Variants in FHOD3 observed in about 807,000 individuals in gnomAD.
FHOD3 encodes the protein FH1/FH2 domain-containing protein 3.
In FHOD3, 90 loss-of-function variants were observed where a neutral mutation model predicts 173.0. The ratio of observed to expected loss-of-function variants is 0.52; its 90% CI spans 0.44 to 0.62. The LOEUF (loss-of-function observed/expected upper bound fraction) is 0.62. Ranked by LOEUF, FHOD3 falls within the 20% of genes least tolerant of loss-of-function variation. The probability of loss-of-function intolerance (pLI) is 0.00; values close to 1 mark genes in which losing one functional copy is unlikely to be tolerated. For missense variants in FHOD3, 1,945 were observed against 2,034.7 expected (o/e 0.96, Z 0.85); for synonymous variants, 828 against 823.0 (o/e 1.01, Z -0.10).
At chr18:36,551,907 G>A (rs903572988) in intron 5 of FHOD3, among the ~76,000 whole-genome samples, 12 of 152,188 alleles carry the variant, frequency 7.9e-5, no homozygotes, top group African/African-American at 2.7e-4. Context: ...TAGCCTTGTA[G>A]TATAGTTTGA....
chr18:36,721,228 G>A (rs2040769899), intron 19 of FHOD3, among the ~76,000 whole-genome samples: 2 of 152,202 alleles, frequency 1.3e-5, no homozygotes, highest in African/African-American at 4.8e-5. Context: ...ACTGATTCCA[G>A]AATGTTCTAT....
intron 28 of FHOD3, chr18:36,778,669 C>G (rs1387244247): frequency 1.3e-5 from 2 of 152,220 alleles, no homozygotes; most frequent in Non-Finnish European, 2.9e-5. Context: ...TGCAACCCCC[C>G]AGTGAGAGTG....
At chr18:36,743,802 C>T (rs931523562) in intron 22 of FHOD3, among the ~76,000 whole-genome samples, 5 of 152,192 alleles carry the variant, frequency 3.3e-5, no homozygotes, top group Non-Finnish European at 7.3e-5. Context: ...GGGGTGAGCC[C>T]TGGGACATGG....
At chr18:36,595,125 G>A (rs1195099407) in intron 7 of FHOD3, among the ~76,000 whole-genome samples, 1 of 152,146 alleles carries the variant, frequency 6.6e-6, no homozygotes, top group African/African-American at 2.4e-5. Context: ...GGAGAGGTCA[G>A]ATCCTGAGCT....
chr18:36,581,379 A>G (rs776337524), intron 6 of FHOD3, among the ~76,000 whole-genome samples: 1 of 152,160 alleles, frequency 6.6e-6, no homozygotes, highest in Non-Finnish European at 1.5e-5. Context: ...CTTTTGGCCC[A>G]AGGGGAAGGC....
At chr18:36,627,940 C>T (rs987456573) in intron 10 of FHOD3, among the ~76,000 whole-genome samples, 1 of 152,214 alleles carries the variant, frequency 6.6e-6, no homozygotes, top group Admixed American at 6.5e-5. Flanking sequence ...CATTGCTCTT[C>T]ATCCCTGCAA....
intron 13 of FHOD3, among the ~76,000 whole-genome samples, chr18:36,654,893 A>G (rs1393344359): frequency 6.6e-6 from 1 of 152,178 alleles, no homozygotes; most frequent in East Asian, 1.9e-4. Flanking sequence ...TGGAAGGAGA[A>G]GCTGGAAAGG....
chr18:36,664,588 T>C (rs1477192776), intron 14 of FHOD3, among the ~76,000 whole-genome samples: 1 of 152,146 alleles, frequency 6.6e-6, no homozygotes, highest in Admixed American at 6.5e-5. Context: ...GGCTGTGCTG[T>C]GCTGTGGGAC....
chr18:36,387,592 C>A (rs935646735), intron 3 of FHOD3, among the ~76,000 whole-genome samples: 4 of 152,172 alleles, frequency 2.6e-5, no homozygotes, highest in African/African-American at 9.7e-5. Flanking sequence ...TAAGTGAATG[C>A]AGTACATATA....
chr18:36,499,519 A>G lies in FHOD3; in HGVS notation c.338-2413A>G, dbSNP rs114574648. Among the ~76,000 whole-genome samples, 1,190 of 152,268 alleles carry G rather than the reference A, an allele frequency of 7.8e-3. 15 individuals carry two copies. Among genetic ancestry groups the G allele is most frequent in the African/African-American group, 0.027 (1,137 of 41,532 alleles). ...TACATGGCCCATGCTTTCACTTGAT[A>G]GTTTTATTCTTATTTATTAGAAGTA... On this transcript the variant is annotated intron_variant, in intron 3 of 28. Transcript: ENST00000590592.
intron 25 of FHOD3, among the ~76,000 whole-genome samples, chr18:36,755,824 G>C (rs975237640): frequency 6.6e-6 from 1 of 152,110 alleles, no homozygotes; most frequent in Non-Finnish European, 1.5e-5. Flanking sequence ...CAATCTAATG[G>C]GCTCTTGCCA....
rs752725098 is a variant in FHOD3, at chr18:36,653,437, T to C, written c.1721+21T>C. 2.7e-6 allele frequency: 4 copies of C among 1,486,794 alleles called. No individual in the cohort carries two copies. The South Asian group carries it at 4.9e-5, about 18-fold the overall frequency. The allele number at this position is 1,486,794 out of a possible 1,614,324, so 92.1% of individuals were successfully genotyped here. A position where few individuals can be genotyped will look rare whatever the true frequency, so the allele number is the denominator to read the frequency against. ...AATAGGTGGGTGTCTTTATTTTCTT[T>C]CCCTTTTCTGTAGCTTTCTGTTTTA... On this transcript the variant is annotated intron_variant, in intron 13 of 28. Transcript: ENST00000590592.
At position 36,730,790 on chromosome 18, in the gene FHOD3, AAAG is replaced by A. The variant is rs765008337; in HGVS notation, c.3566_3568del (p.Glu1189del). On this transcript the variant is annotated inframe_deletion, in exon 20 of 29. Coordinates refer to ENST00000590592, the MANE Select transcript of FHOD3 (RefSeq NM_001281740.3). ...GAATTTTGATGAGTATGCCTTAAAC[AAAG>A]AAGGAATCGAGGTGAGGGAAGCTCT... 1 of 1,613,828 alleles carries A rather than the reference AAAG, an allele frequency of 6.2e-7. No homozygotes were observed. The highest frequency in any genetic ancestry group is 2.2e-5 in the East Asian group (1 of 44,876).
intron 3 of FHOD3, among the ~76,000 whole-genome samples, chr18:36,432,570 C>T (rs1052545220): frequency 2.6e-5 from 4 of 152,128 alleles, no homozygotes; most frequent in African/African-American, 9.7e-5. Context: ...ACTCAGGGAA[C>T]CCTTGCATGT....
chr18:36,718,372 C>T lies in FHOD3; in HGVS notation c.3074C>T (p.Pro1025Leu). ...HREAPGPPPPPPPTFLGLPPP... is the reference protein window; with the variant it reads ...HREAPGPPPPLPPTFLGLPPP... ...GAGGCCCCTGGGCCACCTCCCCCACCCCCACCCACCTTTCTGGGTTTGCCG... is the reference window on the plus strand; with the variant it reads ...GAGGCCCCTGGGCCACCTCCCCCACTCCCACCCACCTTTCTGGGTTTGCCG... Residue 1025 changes from proline to leucine, a missense_variant, in exon 19 of 29, where the codon CCC (proline) becomes CTC (leucine). Physicochemically the swap from Pro to Leu is moderately conservative, Grantham distance 98. This residue lies in a region of FHOD3 where 1,099 missense variants were observed against 1,051.2 expected (regional missense o/e 1.05). Coordinates refer to ENST00000590592, the MANE Select transcript of FHOD3 (RefSeq NM_001281740.3). The T allele has an allele frequency of 1.3e-6, 2 of 1,587,306 alleles. No homozygotes were observed. The highest frequency in any genetic ancestry group is 1.7e-6 in the Non-Finnish European group (2 of 1,166,264).
chr18:36,718,833 T>C, intron 19 of FHOD3, 118 bp downstream of exon 19: 7 of 1,480,946 alleles, frequency 4.7e-6, no homozygotes, highest in Non-Finnish European at 5.4e-6. Flanking sequence ...TCCATTGGTA[T>C]GAAAATTTGA....
At chr18:36,411,911 G>A in intron 3 of FHOD3, among the ~76,000 whole-genome samples, 1 of 152,252 alleles carries the variant, frequency 6.6e-6, no homozygotes, top group East Asian at 1.9e-4. Context: ...GCTGCTCCAA[G>A]CAATGGCGCC....
chr18:36,420,522 G>A (rs9950966), intron 3 of FHOD3, among the ~76,000 whole-genome samples: 1 of 152,136 alleles, frequency 6.6e-6, no homozygotes, highest in African/African-American at 2.4e-5. Flanking sequence ...GAGATATGAG[G>A]ATCTTATATA....
At chr18:36,515,640 T>G (rs1419610474) in intron 5 of FHOD3, among the ~76,000 whole-genome samples, 1 of 152,190 alleles carries the variant, frequency 6.6e-6, no homozygotes, top group Non-Finnish European at 1.5e-5. Context: ...CTGCTTCTGT[T>G]TTCTAGCTTT....
Sources: allele counts gnomAD v4.1 joint callset (sites outside exome capture counted in the v4.1 genomes callset), GRCh38; gene constraint gnomAD v4.1.1; regional missense constraint gnomAD v4.1.1; transcripts MANE v1.5; gene names NCBI Gene and HGNC (gene_info 2026-07-23, HGNC 2026-07-21).